Variants in WRN observed in about 807,000 individuals in gnomAD.
The protein encoded by WRN is WRN RecQ like helicase.
Under a neutral mutation model 180.7 loss-of-function variants are expected in WRN, and 149 were observed. The ratio of observed to expected loss-of-function variants is 0.82; its 90% CI spans 0.72 to 0.94. The LOEUF (loss-of-function observed/expected upper bound fraction) is 0.94. Ranked by LOEUF, WRN falls within the 40% of genes least tolerant of loss-of-function variation. The probability of loss-of-function intolerance (pLI) is 0.00; values close to 1 mark genes in which losing one functional copy is unlikely to be tolerated. For synonymous variants in WRN, 548 were observed against 568.9 expected, an observed-to-expected ratio of 0.96 and a Z score of 0.52; for missense variants, 1,661 against 1,700.1, an observed-to-expected ratio of 0.98 and a Z score of 0.40.
intron 3 of WRN, among the ~76,000 whole-genome samples, chr8:31,062,774 G>A (rs951660676): frequency 3.9e-5 from 6 of 152,110 alleles, no homozygotes; most frequent in East Asian, 1.9e-4. Context: ...CCCCGTGTTT[G>A]TTCTTTCTGA....
chr8:31,080,784 T>G, intron 8 of WRN, 83 bp from the exon 9 acceptor site: 1 of 1,205,548 alleles, frequency 8.3e-7, no homozygotes, highest in Middle Eastern at 2.9e-4. Flanking sequence ...TTAGAAAGCT[T>G]TTACTTGTTA....
At chr8:31,127,068 T>C in intron 23 of WRN, among the ~76,000 whole-genome samples, 1 of 152,186 alleles carries the variant, frequency 6.6e-6, no homozygotes, top group Non-Finnish European at 1.5e-5. Flanking sequence ...ATTAGAGGGA[T>C]TGAATTCTAT....
In WRN at chr8:31,150,430, A is replaced by T. The variant is rs1803077557; in HGVS notation, c.3662A>T (p.His1221Leu). 1 of 1,614,028 alleles carries T rather than the reference A, an allele frequency of 6.2e-7. No individual in the cohort carries two copies. Among genetic ancestry groups the T allele is most frequent in the Non-Finnish European group, 8.5e-7 (1 of 1,180,008 alleles). Residue 1221 changes from histidine to leucine, a missense_variant, in exon 31 of 35, where the codon CAT (histidine) becomes CTT (leucine). This residue lies in a region of WRN where 1,141 missense variants were observed against 1,149.4 expected (regional missense o/e 0.99). Coordinates refer to ENST00000298139, the MANE Select transcript of WRN (RefSeq NM_000553.6). ...GCCCCTCTGTTGGAAGTCATCAAAC[A>T]TTTCTGCCAAACAAATAGTGTTCAG... ...MLAPLLEVIK[H>L]FCQTNSVQTD...
intron 6 of WRN, 60 bp from the exon 7 acceptor site, chr8:31,068,198 C>A: frequency 7.9e-7 from 1 of 1,272,506 alleles, no homozygotes; most frequent in Non-Finnish European, 1.1e-6. Flanking sequence ...GAAGATGGGA[C>A]TTACTGTTTT....
At chr8:31,123,576 T>C (rs1374407771) in intron 21 of WRN, among the ~76,000 whole-genome samples, 3 of 152,094 alleles carry the variant, frequency 2.0e-5, no homozygotes, top group Non-Finnish European at 4.4e-5. Flanking sequence ...TTTCCAGAAC[T>C]CCTTGAGAAT....
At chr8:31,101,030 A>G in intron 18 of WRN, 75 bp downstream of exon 18, 1 of 1,227,618 alleles carries the variant, frequency 8.1e-7, no homozygotes, top group Non-Finnish European at 1.2e-6. Context: ...GGAGTGGTAA[A>G]GAAGCTGAAG....
intron 17 of WRN, 128 bp downstream of exon 17, chr8:31,096,978 T>G: frequency 1.1e-6 from 1 of 878,424 alleles, no homozygotes; most frequent in Non-Finnish European, 1.8e-6. Context: ...AGGAAATCTC[T>G]GACTCTCTAA....
At chr8:31,170,496 C>A (rs908724299) in intron 34 of WRN, among the ~76,000 whole-genome samples, 1 of 152,150 alleles carries the variant, frequency 6.6e-6, no homozygotes, top group African/African-American at 2.4e-5. Flanking sequence ...ACAAATGTAT[C>A]AGGCTCGGTA....
At chr8:31,124,686 A>C in intron 22 of WRN, 63 bp downstream of exon 22, 1 of 1,456,040 alleles carries the variant, frequency 6.9e-7, no homozygotes, top group Non-Finnish European at 9.6e-7. Context: ...TTAAGACAAC[A>C]ATTTGGCTAA....
intron 8 of WRN, 49 bp from the exon 9 acceptor site, chr8:31,080,818 T>C: frequency 1.4e-6 from 2 of 1,447,304 alleles, no homozygotes; most frequent in Non-Finnish European, 1.9e-6. Context: ...TTTGTCCTTG[T>C]AGTTAATGCA....
intron 1 of WRN, among the ~76,000 whole-genome samples, chr8:31,049,527 A>G (rs963012077): frequency 6.6e-6 from 1 of 150,654 alleles, no homozygotes; most frequent in Non-Finnish European, 1.5e-5. Context: ...AAAAAAAAAA[A>G]GAGATGGGTT....
At chr8:31,072,159 C>T (rs929128465) in intron 7 of WRN, among the ~76,000 whole-genome samples, 4 of 152,118 alleles carry the variant, frequency 2.6e-5, no homozygotes, top group Admixed American at 6.5e-5. Flanking sequence ...CCATAGACAT[C>T]GAGGAAATTA....
chr8:31,161,107 A>C (rs965116856), intron 33 of WRN, among the ~76,000 whole-genome samples: 1 of 150,212 alleles, frequency 6.7e-6, no homozygotes, highest in African/African-American at 2.5e-5. Flanking sequence ...GTGTTGGTCT[A>C]GTCAGTAAGA....
At chr8:31,133,059 CTTTT>C (rs35832938) in intron 24 of WRN, among the ~76,000 whole-genome samples, 1 of 151,984 alleles carries the variant, frequency 6.6e-6, no homozygotes, top group Admixed American at 6.5e-5. Flanking sequence ...AATTCAGTTA[CTTTT>C]TTTTGGAGTG....
At chr8:31,115,331 T>G (rs1460047211) in intron 19 of WRN, among the ~76,000 whole-genome samples, 1 of 152,268 alleles carries the variant, frequency 6.6e-6, no homozygotes, top group African/African-American at 2.4e-5. Context: ...AGTATGACTC[T>G]TGTAGTGAAA....
intron 1 of WRN, among the ~76,000 whole-genome samples, chr8:31,054,649 A>T (rs1400851480): frequency 6.6e-6 from 1 of 152,250 alleles, no homozygotes. Flanking sequence ...TCCAAAGCAA[A>T]TCATAATACG....
chr8:31,096,963 C>T (rs892614523), intron 17 of WRN, 113 bp downstream of exon 17: 121 of 991,156 alleles, frequency 1.2e-4, no homozygotes, highest in Non-Finnish European at 1.8e-4. Context: ...AACATTACTT[C>T]CTCCAGGAAA....
rs11574332 is a variant in WRN, at chr8:31,132,131, T to C, written c.2826-234T>C. ...AGGTGCCTCCCATGAAACTTGCTTC[T>C]AGGACACTAGGATTGAGAACCATCA... On this transcript the variant is annotated intron_variant, in intron 23 of 34. Transcript: ENST00000298139. 0.017 allele frequency among the ~76,000 whole-genome samples: 2,575 copies of C among 152,170 alleles called. 63 individuals carry two copies. The highest frequency in any genetic ancestry group is 0.058 in the African/African-American group (2,402 of 41,504).
intron 7 of WRN, among the ~76,000 whole-genome samples, chr8:31,070,955 A>G (rs1479339143): frequency 6.6e-6 from 1 of 151,478 alleles, no homozygotes; most frequent in African/African-American, 2.4e-5. Flanking sequence ...CTGAGGCAGG[A>G]GAATCGCTTT....
Sources: allele counts gnomAD v4.1 joint callset (sites outside exome capture counted in the v4.1 genomes callset), GRCh38; gene constraint gnomAD v4.1.1; regional missense constraint gnomAD v4.1.1; transcripts MANE v1.5; gene names NCBI Gene and HGNC (gene_info 2026-07-23, HGNC 2026-07-21).